The following DMD variants were observed in gnomAD, a reference collection of about 807,000 sequenced individuals.
The protein encoded by DMD is mutant dystrophin.
In DMD, 63 loss-of-function variants were observed where a neutral mutation model predicts 330.1. That is an observed-to-expected ratio of 0.19 (90% CI 0.16 to 0.24). The LOEUF (loss-of-function observed/expected upper bound fraction) is 0.24. DMD is among the 10% of genes least tolerant of loss of function. The pLI, the probability that DMD is intolerant of heterozygous loss-of-function variation, is 1.00. For missense variants in DMD, 3,344 were observed against 2,684.1 expected (o/e 1.25, Z -5.43); for synonymous variants, 1,223 against 959.8 (o/e 1.27, Z -5.07).
At chrX:32,722,171 G>C (rs758948841) in intron 7 of DMD, among the ~76,000 whole-genome samples, 2 of 107,976 alleles carry the variant, frequency 1.9e-5, no homozygotes, top group Admixed American at 1.0e-4. Context: ...TTTTATTTCT[G>C]TGAAAAAAAA....
chrX:31,476,790 G>A (rs1306848452), intron 59 of DMD, among the ~76,000 whole-genome samples: 1 of 110,925 alleles, frequency 9.0e-6, no homozygotes, highest in Non-Finnish European at 1.9e-5. Flanking sequence ...GGGGTGAATG[G>A]GATTTAAAGA....
Position 33,275,867 on chromosome X carries a change from T to C in DMD, c.7+63392A>G, listed in dbSNP as rs887433898. Among the ~76,000 whole-genome samples, 3 of 111,989 alleles carry C rather than the reference T, an allele frequency of 2.7e-5. No homozygotes were observed. In the Admixed American group the frequency reaches 2.9e-4, roughly 11 times the overall value. ...CTTGCATACACATATATTCCATATA[T>C]GCATGCATCTCTGTGTATGTTTACG... On this transcript the variant is annotated intron_variant, in intron 1 of 17. Transcript: ENST00000288447.
intron 59 of DMD, among the ~76,000 whole-genome samples, chrX:31,449,474 G>A (rs1053732220): frequency 3.6e-5 from 4 of 110,349 alleles, no homozygotes; most frequent in African/African-American, 6.6e-5. Context: ...TTGGGGTTTC[G>A]TCAGATGACT....
chrX:32,597,459 T>G (rs989631603), intron 12 of DMD, among the ~76,000 whole-genome samples: 1 of 111,763 alleles, frequency 8.9e-6, no homozygotes, highest in African/African-American at 3.3e-5. Context: ...TGTTCCTTCC[T>G]GATTGCACAA....
intron 67 of DMD, among the ~76,000 whole-genome samples, chrX:31,192,314 C>A (rs1328893550): frequency 2.7e-5 from 3 of 112,191 alleles, no homozygotes; most frequent in South Asian, 3.7e-4. Flanking sequence ...ACATTTTGAT[C>A]CTCTTAGACA....
chrX:32,827,023 C>G (rs1193577526), intron 4 of DMD, among the ~76,000 whole-genome samples: 2 of 97,476 alleles, frequency 2.1e-5, no homozygotes, highest in Non-Finnish European at 4.0e-5. Flanking sequence ...TATTTTACCA[C>G]AATAAAAAAT....
intron 68 of DMD, among the ~76,000 whole-genome samples, chrX:31,181,400 A>G (rs56091314): frequency 0.036 from 3,992 of 111,449 alleles, 63 homozygotes; most frequent in Middle Eastern, 0.06. Flanking sequence ...TGAAGGTGAA[A>G]GTGCTCTTTC....
intron 11 of DMD, among the ~76,000 whole-genome samples, chrX:32,639,649 C>T (rs941950765): frequency 3.6e-5 from 4 of 111,434 alleles, no homozygotes; most frequent in Non-Finnish European, 7.5e-5. Context: ...AGGGAAAATA[C>T]AATAGCAAGG....
At chrX:31,926,547 G>A (rs182654039) in intron 47 of DMD, among the ~76,000 whole-genome samples, 104 of 110,037 alleles carry the variant, frequency 9.5e-4, no homozygotes, top group African/African-American at 3.1e-3. Context: ...GTGGTGGTGC[G>A]CGCCTGTAGT....
chrX:32,666,069 AC>A (rs2061282003), intron 9 of DMD, among the ~76,000 whole-genome samples: 2 of 111,121 alleles, frequency 1.8e-5, no homozygotes, highest in African/African-American at 6.5e-5. Context: ...CTTCAACAAA[AC>A]AGAAGTAGGG....
intron 44 of DMD, among the ~76,000 whole-genome samples, chrX:31,991,860 T>C (rs149425562): frequency 0.025 from 2,765 of 111,697 alleles, 89 homozygotes; most frequent in African/African-American, 0.085. Flanking sequence ...TTGTTGATTT[T>C]GAAAGTTTAT....
chrX:32,814,850 C>A (rs1305687817), intron 6 of DMD, among the ~76,000 whole-genome samples: 1 of 111,328 alleles, frequency 9.0e-6, no homozygotes, highest in African/African-American at 3.3e-5. Flanking sequence ...CGTTAGAGAG[C>A]CAACAAGGAC....
intron 43 of DMD, among the ~76,000 whole-genome samples, chrX:32,282,844 T>C (rs57195365): frequency 8.9e-6 from 1 of 112,215 alleles, no homozygotes; most frequent in Non-Finnish European, 1.9e-5. Flanking sequence ...GCAAAACCAC[T>C]AAGGCATTTT....
intron 60 of DMD, among the ~76,000 whole-genome samples, chrX:31,380,795 C>G (rs1369981091): frequency 1.8e-5 from 2 of 110,493 alleles, no homozygotes; most frequent in African/African-American, 6.6e-5. Context: ...ACCCCAGCCT[C>G]TCTTCACTTT....
In DMD at chrX:32,818,841, G is replaced by A. The variant is rs138010190; in HGVS notation, c.358-2201C>T. Among the ~76,000 whole-genome samples, 19 of 109,554 alleles carry A rather than the reference G, an allele frequency of 1.7e-4. 1 individual carries two copies. In the East Asian group the frequency reaches 5.2e-3, roughly 30 times the overall value. The stretch of plus-strand genomic sequence containing the variant: ...CCCACTACTATTGACTGATGAAGGG[G>A]CAGAGTATAAACACTCAGCCATTTT... On this transcript the variant is annotated intron_variant, in intron 5 of 78. Coordinates refer to ENST00000357033, the MANE Select transcript of DMD (RefSeq NM_004006.3).
chrX:31,302,444 C>G (rs749314527), intron 62 of DMD, among the ~76,000 whole-genome samples: 1 of 111,480 alleles, frequency 9.0e-6, no homozygotes, highest in South Asian at 3.8e-4. Context: ...TTGATTCACT[C>G]TTATAGTTTC....
At chrX:33,070,702 T>A (rs1037962017) in intron 1 of DMD, among the ~76,000 whole-genome samples, 35 of 94,307 alleles carry the variant, frequency 3.7e-4, no homozygotes, top group African/African-American at 1.3e-3. Context: ...TATATATATA[T>A]ATATATATGT....
intron 44 of DMD, among the ~76,000 whole-genome samples, chrX:32,026,154 T>C (rs1206524977): frequency 8.9e-6 from 1 of 112,074 alleles, no homozygotes; most frequent in Non-Finnish European, 1.9e-5. Flanking sequence ...CTAGATAATC[T>C]GGACTTTATA....
chrX:32,771,818 G>T (rs755955185), intron 7 of DMD, among the ~76,000 whole-genome samples: 1 of 111,866 alleles, frequency 8.9e-6, no homozygotes, highest in African/African-American at 3.2e-5. Flanking sequence ...AGAGGATTTT[G>T]TTTTATCTTT....
Sources: gnomAD v4.1 joint callset for allele counts (sites outside exome capture counted in the v4.1 genomes callset) on GRCh38, gnomAD v4.1.1 for gene constraint, MANE v1.5 for transcripts, NCBI Gene and HGNC (gene_info 2026-07-23, HGNC 2026-07-21) for gene names.